ABCG2: variants seen among roughly 807,000 people sequenced by gnomAD.
ABCG2 encodes the protein ATP binding cassette subfamily G member 2 (JR blood group), also known as broad substrate specificity ATP-binding cassette transporter ABCG2.
ABCG2 carries 80 observed loss-of-function variants against 73.5 expected under a neutral mutation model. The observed-to-expected ratio is 1.09, with a 90% CI of 0.91 to 1.31. ABCG2 has a LOEUF of 1.31. Ranked by LOEUF, ABCG2 falls within the 50% of genes most tolerant of loss-of-function variation. The pLI, the probability that ABCG2 is intolerant of heterozygous loss-of-function variation, is 0.00. For missense variants in ABCG2, 796 were observed against 786.2 expected (o/e 1.01, Z -0.15); for synonymous variants, 269 against 282.4 (o/e 0.95, Z 0.48).
At chr4:88,138,914 G>A (rs754103962) in intron 2 of ABCG2, among the ~76,000 whole-genome samples, 18 of 152,096 alleles carry the variant, frequency 1.2e-4, no homozygotes, top group South Asian at 4.2e-4. Flanking sequence ...AGGCTGAGGC[G>A]GGTGGATCAT....
rs148604639 is a variant in ABCG2 at position 88,214,499 on chromosome 4, G to C, written c.-20+16495C>G. 3.6e-3 allele frequency among the ~76,000 whole-genome samples: 543 copies of C among 152,242 alleles called. 3 individuals carry two copies. Among genetic ancestry groups the C allele is most frequent in the Non-Finnish European group, 5.6e-3 (379 of 68,018 alleles). On this transcript the variant is annotated intron_variant, in intron 1 of 15. Transcript: ENST00000515655. ...TAGAGTGGTTTGTTAGGTAGGGATAGATAACTGGAACAATATGCCAGAGAG... is the reference window on the plus strand; with the variant it reads ...TAGAGTGGTTTGTTAGGTAGGGATACATAACTGGAACAATATGCCAGAGAG...
intron 1 of ABCG2, among the ~76,000 whole-genome samples, chr4:88,200,133 T>C (rs1009269067): frequency 6.6e-6 from 1 of 152,202 alleles, no homozygotes; most frequent in Non-Finnish European, 1.5e-5. Context: ...AAAACCAGCC[T>C]GGGCAACATG....
At chr4:88,230,184 G>A (rs1203757700) in intron 1 of ABCG2, among the ~76,000 whole-genome samples, 1 of 148,868 alleles carries the variant, frequency 6.7e-6, no homozygotes, top group Non-Finnish European at 1.5e-5. Context: ...GTAAAGACAG[G>A]GTTTCACCAT....
intron 9 of ABCG2, among the ~76,000 whole-genome samples, chr4:88,108,795 T>C (rs1722929007): frequency 6.6e-6 from 1 of 152,190 alleles, no homozygotes; most frequent in Non-Finnish European, 1.5e-5. Flanking sequence ...CCAATGTTTC[T>C]ACTTATGAGC....
At chr4:88,178,176 T>C (rs576440713) in intron 1 of ABCG2, among the ~76,000 whole-genome samples, 6 of 152,236 alleles carry the variant, frequency 3.9e-5, no homozygotes, top group African/African-American at 1.4e-4. Flanking sequence ...TCCCTTCCAC[T>C]TGAGCAGGGG....
intron 1 of ABCG2, among the ~76,000 whole-genome samples, chr4:88,214,188 A>G (rs1048076981): frequency 6.6e-6 from 1 of 150,698 alleles, no homozygotes. Context: ...AGGTCTTGCT[A>G]TGTTGCCCAG....
chr4:88,219,036 G>A (rs901523352), intron 1 of ABCG2, among the ~76,000 whole-genome samples: 1 of 152,192 alleles, frequency 6.6e-6, no homozygotes, highest in African/African-American at 2.4e-5. Flanking sequence ...ACCTAAGCAG[G>A]GAGTTGATGT....
chr4:88,181,398 CAAAAAA>C (rs57417105), intron 1 of ABCG2, among the ~76,000 whole-genome samples: 18 of 96,884 alleles, frequency 1.9e-4, no homozygotes, highest in Non-Finnish European at 3.1e-4. Flanking sequence ...GACTCCATCT[CAAAAAA>C]AAAAAAAAAA....
chr4:88,174,892 A>T (rs569955384), intron 1 of ABCG2, among the ~76,000 whole-genome samples: 24 of 152,124 alleles, frequency 1.6e-4, no homozygotes, highest in Admixed American at 3.3e-4. Context: ...ATCTATCTTG[A>T]GTTAATTTTT....
At position 88,139,947 on chromosome 4, in the gene ABCG2, T is replaced by C. The variant is rs1313475538; in HGVS notation, c.49A>G (p.Thr17Ala). ...EVFIPVSQGN[T>A]NGFPATASND... ...GAAGCTGTCGCGGGGAAGCCATTGGTGTTTCCTTGTGACACTGGGATAAAA... is the reference window on the plus strand; with the variant it reads ...GAAGCTGTCGCGGGGAAGCCATTGGCGTTTCCTTGTGACACTGGGATAAAA... Residue 17 changes from threonine (T) to alanine (A), a missense_variant, in exon 2 of 16, where the codon ACC becomes GCC. Coordinates refer to ENST00000237612, the MANE Select transcript of ABCG2 (RefSeq NM_004827.3). 9 of 1,614,158 alleles carry C rather than the reference T, an allele frequency of 5.6e-6. No homozygotes were observed. The highest frequency in any genetic ancestry group is 7.6e-6 in the Non-Finnish European group (9 of 1,180,016).
In ABCG2 at chr4:88,095,606, A is replaced by G; in HGVS notation, c.1651T>C (p.Phe551Leu). 6.2e-7 allele frequency: 1 copy of G among 1,613,424 alleles called. No homozygotes were observed. Among genetic ancestry groups the G allele is most frequent in the South Asian group, 1.1e-5 (1 of 91,044 alleles). ...GTGAGATTGACCAACAGACCTGAAAAAATCTACAAAAAGCAAATACTAAAA... is the reference window on the plus strand; with the variant it reads ...GTGAGATTGACCAACAGACCTGAAAGAATCTACAAAAAGCAAATACTAAAA... ...MTICFVFMMI[F>L]SGLLVNLTTI... The change falls in exon 14 of 16, where the codon TTT becomes CTT. Residue 551 changes from phenylalanine (F) to leucine (L), a missense_variant. Coordinates refer to ENST00000237612, the MANE Select transcript of ABCG2 (RefSeq NM_004827.3).
chr4:88,179,331 C>T (rs1349482815), intron 1 of ABCG2, among the ~76,000 whole-genome samples: 2 of 152,186 alleles, frequency 1.3e-5, no homozygotes, highest in African/African-American at 4.8e-5. Context: ...GCAAGAGCCA[C>T]AGCGCGACAG....
intron 10 of ABCG2, among the ~76,000 whole-genome samples, chr4:88,102,503 G>A (rs1722495669): frequency 1.3e-5 from 2 of 151,878 alleles, no homozygotes; most frequent in Admixed American, 1.3e-4. Context: ...GGCTGAGGCA[G>A]GAGAATCGCT....
At chr4:88,166,384 TCTC>T (rs745486156) in intron 1 of ABCG2, among the ~76,000 whole-genome samples, 44 of 152,202 alleles carry the variant, frequency 2.9e-4, no homozygotes, top group Non-Finnish European at 7.3e-5. Flanking sequence ...GAACCCTTTC[TCTC>T]CTCCTCCCTT....
chr4:88,187,192 A>G lies in ABCG2; in HGVS notation c.-20+43802T>C, dbSNP rs1474003037. The stretch of plus-strand genomic sequence containing the variant: ...GGGGTTGGTTAATGGGTACAAAAAT[A>G]TAATTAGATGGAATGAATAAGATCT... On this transcript the variant is annotated intron_variant, in intron 1 of 15. Transcript: ENST00000515655. 2.0e-5 allele frequency among the ~76,000 whole-genome samples: 3 copies of G among 151,846 alleles called. No homozygotes were observed. The East Asian group carries it at 5.8e-4, about 29-fold the overall frequency.
intron 1 of ABCG2, among the ~76,000 whole-genome samples, chr4:88,172,886 C>G (rs946817629): frequency 3.3e-5 from 5 of 152,110 alleles, no homozygotes; most frequent in Non-Finnish European, 5.9e-5. Context: ...GCTTTGTTCC[C>G]TGTCTTCTCT....
intron 1 of ABCG2, 73 bp from the exon 2 acceptor site, chr4:88,140,087 T>TA: frequency 8.0e-7 from 1 of 1,254,886 alleles, no homozygotes; most frequent in Non-Finnish European, 1.1e-6. Flanking sequence ...GACAATACAT[T>TA]TAAAACAAGT....
intron 1 of ABCG2, among the ~76,000 whole-genome samples, chr4:88,192,362 A>C (rs1728724735): frequency 6.6e-6 from 1 of 152,002 alleles, no homozygotes; most frequent in Non-Finnish European, 1.5e-5. Context: ...AAGAGGTGAA[A>C]ATTTTGAGAC....
At chr4:88,120,025 G>A (rs900810266) in intron 6 of ABCG2, among the ~76,000 whole-genome samples, 2 of 152,110 alleles carry the variant, frequency 1.3e-5, no homozygotes, top group African/African-American at 2.4e-5. Context: ...CAGGCCCAGA[G>A]GCCTAGGAGG....
Sources: allele counts gnomAD v4.1 joint callset (sites outside exome capture counted in the v4.1 genomes callset), GRCh38; gene constraint gnomAD v4.1.1; transcripts MANE v1.5; gene names NCBI Gene and HGNC (gene_info 2026-07-23, HGNC 2026-07-21).